The following DENND1B variants were observed in gnomAD, a reference collection of about 807,000 sequenced individuals.
The protein encoded by DENND1B is DENN domain-containing protein 1B.
A neutral mutation model predicts 90.1 loss-of-function variants in DENND1B; 59 were observed. That is an observed-to-expected ratio of 0.65 (90% CI 0.53 to 0.81). The LOEUF (loss-of-function observed/expected upper bound fraction) is 0.81. Among genes scored for constraint, DENND1B ranks in the 40% least tolerant of loss-of-function variants. The pLI, the probability that DENND1B is intolerant of heterozygous loss-of-function variation, is 0.00. For synonymous variants in DENND1B, 337 were observed against 324.6 expected (o/e 1.04, Z -0.41); for missense variants, 862 against 912.6 (o/e 0.94, Z 0.71).
At chr1:197,538,003 T>G (rs1219719536) in intron 20 of DENND1B, among the ~76,000 whole-genome samples, 2 of 152,000 alleles carry the variant, frequency 1.3e-5, no homozygotes, top group Non-Finnish European at 2.9e-5. Flanking sequence ...CCCTATAAAT[T>G]TATATAATTA....
chr1:197,633,353 A>C (rs574479419), intron 10 of DENND1B, among the ~76,000 whole-genome samples: 2 of 152,178 alleles, frequency 1.3e-5, no homozygotes, highest in South Asian at 4.1e-4. Context: ...CTCAGCTCCA[A>C]ATCTGCCCCT....
intron 2 of DENND1B, among the ~76,000 whole-genome samples, chr1:197,721,642 TATAA>T (rs1055614446): frequency 7.9e-5 from 12 of 152,000 alleles, no homozygotes; most frequent in Non-Finnish European, 1.2e-4. Context: ...TTATAAAAAA[TATAA>T]ATATTCTTTA....
At chr1:197,563,534 C>T (rs1354245939) in intron 15 of DENND1B, among the ~76,000 whole-genome samples, 1 of 151,928 alleles carries the variant, frequency 6.6e-6, no homozygotes, top group Non-Finnish European at 1.5e-5. Flanking sequence ...GAAACAAAGA[C>T]TCCTTTCAAA....
intron 1 of DENND1B, among the ~76,000 whole-genome samples, chr1:197,773,574 CCTT>C (rs1299971293): frequency 6.6e-6 from 1 of 152,176 alleles, no homozygotes; most frequent in Non-Finnish European, 1.5e-5. Flanking sequence ...ACATAAAAAG[CCTT>C]CTTTTTATCC....
At chr1:197,571,737 T>C (rs1396951041) in intron 15 of DENND1B, among the ~76,000 whole-genome samples, 2 of 152,114 alleles carry the variant, frequency 1.3e-5, no homozygotes. Context: ...ACAAAATAAA[T>C]AATCCATATG....
chr1:197,773,017 T>C, intron 1 of DENND1B, 85 bp from the exon 2 acceptor site: 3 of 1,151,230 alleles, frequency 2.6e-6, no homozygotes, highest in Non-Finnish European at 3.8e-6. Flanking sequence ...AAAACTAATC[T>C]TGTTTTTGTC....
At chr1:197,513,401 C>A (rs1046729892) in intron 20 of DENND1B, among the ~76,000 whole-genome samples, 1 of 151,576 alleles carries the variant, frequency 6.6e-6, no homozygotes, top group Non-Finnish European at 1.5e-5. Context: ...TCTTAATGTG[C>A]GTATAAATCG....
At chr1:197,598,903 TGAAAA>T (rs1675949420) in intron 13 of DENND1B, among the ~76,000 whole-genome samples, 1 of 151,796 alleles carries the variant, frequency 6.6e-6, no homozygotes, top group African/African-American at 2.4e-5. Flanking sequence ...AGTTAAACAA[TGAAAA>T]GAAAATTCAG....
intron 3 of DENND1B, among the ~76,000 whole-genome samples, chr1:197,677,467 C>T (rs1166267967): frequency 6.6e-6 from 1 of 152,164 alleles, no homozygotes; most frequent in Non-Finnish European, 1.5e-5. Flanking sequence ...TTACCCAAAT[C>T]AGAAACACGG....
rs1356731439 is a variant in DENND1B at position 197,645,739 on chromosome 1, G to A, written c.512C>T (p.Ser171Phe). Residue 171 changes from serine to phenylalanine, a missense_variant, in exon 9 of 23, where the codon TCC becomes TTC. Physicochemically the swap from Ser to Phe is radical, Grantham distance 155. Coordinates refer to ENST00000620048, the MANE Select transcript of DENND1B (RefSeq NM_001195215.2). ...LKDQPALVPHSYFIAPDVTGL... is the reference protein window; with the variant it reads ...LKDQPALVPHFYFIAPDVTGL... ...AGTTACATCAGGGGCAATGAAGTAG[G>A]AATGCTAATCAATACAAATAAATCA... 2 of 1,566,606 alleles carry A rather than the reference G, an allele frequency of 1.3e-6. No homozygotes were observed. Among genetic ancestry groups the A allele is most frequent in the Non-Finnish European group, 1.7e-6 (2 of 1,155,768 alleles).
intron 15 of DENND1B, among the ~76,000 whole-genome samples, chr1:197,573,117 G>C (rs559480855): frequency 6.6e-6 from 1 of 152,124 alleles, no homozygotes; most frequent in South Asian, 2.1e-4. Flanking sequence ...TTTTTTGAAG[G>C]GTTTTTTTGG....
the DENND1B span, among the ~76,000 whole-genome samples, chr1:197,781,980 A>C: frequency 1.3e-5 from 2 of 152,094 alleles, no homozygotes; most frequent in African/African-American, 2.4e-5. Context: ...TTGTAAATAA[A>C]TTTTCTTACC....
At chr1:197,543,298 T>C (rs1670480373) in intron 18 of DENND1B, among the ~76,000 whole-genome samples, 1 of 152,158 alleles carries the variant, frequency 6.6e-6, no homozygotes, top group South Asian at 2.1e-4. Context: ...CAAAATAAAA[T>C]ACTCCACTGA....
At chr1:197,618,296 C>A (rs567265801) in intron 10 of DENND1B, among the ~76,000 whole-genome samples, 3 of 151,184 alleles carry the variant, frequency 2.0e-5, no homozygotes, top group Admixed American at 6.6e-5. Flanking sequence ...GTGTGAACTG[C>A]GGGTTACGGT....
chr1:197,627,882 A>G (rs1678923262), intron 10 of DENND1B, among the ~76,000 whole-genome samples: 1 of 151,932 alleles, frequency 6.6e-6, no homozygotes, highest in Non-Finnish European at 1.5e-5. Context: ...TTATACACCA[A>G]TAACAGACAG....
At chr1:197,662,041 A>G (rs1654457585) in intron 5 of DENND1B, among the ~76,000 whole-genome samples, 1 of 152,070 alleles carries the variant, frequency 6.6e-6, no homozygotes, top group Non-Finnish European at 1.5e-5. Flanking sequence ...CATGTCCAAG[A>G]TAATAAGCTT....
chr1:197,551,730 G>A (rs1418110122), intron 16 of DENND1B, among the ~76,000 whole-genome samples: 2 of 152,120 alleles, frequency 1.3e-5, no homozygotes, highest in African/African-American at 4.8e-5. Flanking sequence ...CAGCAGTTAT[G>A]TAAATACCGA....
chr1:197,567,074 C>A (rs139018784), intron 15 of DENND1B, among the ~76,000 whole-genome samples: 11 of 151,978 alleles, frequency 7.2e-5, no homozygotes, highest in Non-Finnish European at 1.0e-4. Context: ...ATCAATGAAA[C>A]TGAACATTAG....
chr1:197,578,452 C>T (rs1241614680), intron 15 of DENND1B, among the ~76,000 whole-genome samples: 1 of 151,984 alleles, frequency 6.6e-6, no homozygotes, highest in Non-Finnish European at 1.5e-5. Context: ...ACCATGTTGG[C>T]CAGGTTGGTC....
Sources: gnomAD v4.1 joint callset for allele counts (sites outside exome capture counted in the v4.1 genomes callset) on GRCh38, gnomAD v4.1.1 for gene constraint, MANE v1.5 for transcripts, NCBI Gene and HGNC (gene_info 2026-07-23, HGNC 2026-07-21) for gene names.